The following PRKACA variants were observed in gnomAD, a reference collection of about 807,000 sequenced individuals.
PRKACA encodes the protein cAMP-dependent protein kinase catalytic subunit alpha.
Under a neutral mutation model 45.8 loss-of-function variants are expected in PRKACA, and 9 were observed. The ratio of observed to expected loss-of-function variants is 0.20; its 90% CI spans 0.12 to 0.34. The LOEUF (loss-of-function observed/expected upper bound fraction) is 0.34. Ranked by LOEUF, PRKACA falls within the 10% of genes least tolerant of loss-of-function variation. The pLI is 1.00. For synonymous variants in PRKACA, 160 were observed against 178.6 expected, an observed-to-expected ratio of 0.90 and a Z score of 0.83; for missense variants, 238 against 458.6, an observed-to-expected ratio of 0.52 and a Z score of 4.39.
In PRKACA at chr19:14,107,001, G is replaced by A. The variant is rs1056507481; in HGVS notation, c.109-113C>T. The A allele has an allele frequency of 1.0e-5, 14 of 1,376,424 alleles. No individual in the cohort carries two copies. The African/African-American group carries it at 1.7e-4, about 17-fold the overall frequency. The allele number at this position is 1,376,424 out of a possible 1,614,324, so 85.3% of individuals were successfully genotyped here. On this transcript the variant is annotated intron_variant, in intron 2 of 9. Transcript: ENST00000308677. The stretch of plus-strand genomic sequence containing the variant: ...AGAGGGGGCCCCGGGGAGCACGTGG[G>A]GTCAGCGGGGTGAGGACAGGGGGCG...
chr19:14,093,831 C>T (rs1453406138), intron 8 of PRKACA, 39 bp from the exon 9 acceptor site: 2 of 1,576,672 alleles, frequency 1.3e-6, no homozygotes, highest in Non-Finnish European at 1.7e-6. Flanking sequence ...GGAAGCTGGT[C>T]TGGAACTTGG....
At position 14,110,073 on chromosome 19, in the gene PRKACA, G is replaced by T. The variant is rs529914372; in HGVS notation, c.47-2664C>A. Among the ~76,000 whole-genome samples the T allele has an allele frequency of 2.7e-5, 4 of 146,032 alleles. No homozygotes were observed. In the East Asian group the frequency reaches 8.1e-4, roughly 30 times the overall value. On this transcript the variant is annotated intron_variant, in intron 1 of 9. Transcript: ENST00000308677. ...GCCTGTAATCCCAGTGCTTTAGAAG[G>T]CCGAGGTTGGAGGATCGCTTGAGGC...
At chr19:14,112,579 GGGA>G (rs1157461836) in intron 1 of PRKACA, 1 of 152,356 alleles carries the variant, frequency 6.6e-6, no homozygotes, top group Non-Finnish European at 1.5e-5. Context: ...CAGGGGACCA[GGGA>G]GGAGGAGCTG....
chr19:14,104,722 A>G (rs1319138972), intron 3 of PRKACA, among the ~76,000 whole-genome samples: 1 of 151,750 alleles, frequency 6.6e-6, no homozygotes, highest in African/African-American at 2.4e-5. Context: ...AAAATTAAAA[A>G]ATTAGCTGGG....
intron 5 of PRKACA, among the ~76,000 whole-genome samples, chr19:14,098,814 GAAAAA>G (rs78905737): frequency 1.1e-5 from 1 of 90,672 alleles, no homozygotes; most frequent in Admixed American, 1.3e-4. Flanking sequence ...TATGTTATTG[GAAAAA>G]AAAAAAAAAA....
chr19:14,096,444 TG>T (rs1158157433), intron 8 of PRKACA: 1 of 151,854 alleles, frequency 6.6e-6, no homozygotes, highest in Non-Finnish European at 1.5e-5. Context: ...CCCAAGGTGC[TG>T]GCATTACAGG....
chr19:14,092,591 G>T lies in PRKACA; in HGVS notation c.*521C>A, dbSNP rs1230588346. 3.3e-5 allele frequency: 13 copies of T among 398,510 alleles called. No homozygotes were observed. Among genetic ancestry groups the T allele is most frequent in the South Asian group, 1.3e-4 (1 of 7,854 alleles). The allele number at this position is 398,510 out of a possible 1,614,324, so 24.7% of individuals were successfully genotyped here. On this transcript the variant is annotated 3_prime_UTR_variant, in exon 10 of 10. Coordinates refer to ENST00000308677, the MANE Select transcript of PRKACA (RefSeq NM_002730.4). ...TTGTTGTTTTTTTAAAAAAATTCTA[G>T]CAAGCAACCCACTGAACATGTCACT...
chr19:14,115,110 G>A (rs1020169174), intron 1 of PRKACA: 42 of 985,250 alleles, frequency 4.3e-5, no homozygotes, highest in Non-Finnish European at 4.9e-5. Context: ...TTCTCTGGGA[G>A]CCTCTGGGAG....
At chr19:14,108,611 C>T (rs1977683406) in intron 1 of PRKACA, among the ~76,000 whole-genome samples, 1 of 151,090 alleles carries the variant, frequency 6.6e-6, no homozygotes, top group African/African-American at 2.4e-5. Context: ...GGGGTTTCAC[C>T]GTGTTAGCCA....
At chr19:14,113,130 C>A (rs1163850219) in intron 1 of PRKACA, among the ~76,000 whole-genome samples, 2 of 151,994 alleles carry the variant, frequency 1.3e-5, no homozygotes, top group Admixed American at 6.6e-5. Context: ...TGTCCTTGGC[C>A]TCTCTCAAAC....
In PRKACA at chr19:14,092,649, G is replaced by A. The variant is rs1174936519; in HGVS notation, c.*463C>T. The A allele has an allele frequency of 2.0e-5, 7 of 353,916 alleles. No individual in the cohort carries two copies. The highest frequency in any genetic ancestry group is 1.2e-4 in the East Asian group (3 of 25,368). 21.9% of individuals were successfully genotyped at this position (353,916 alleles called of 1,614,324 possible). ...TCTCCTTCCCAGGCAGGATTACTCC[G>A]AAAGGAAGGTTGGCGCTTCGTTCAT... On this transcript the variant is annotated 3_prime_UTR_variant, in exon 10 of 10. Transcript: ENST00000308677.
At position 14,092,778 on chromosome 19, in the gene PRKACA, C is replaced by T; in HGVS notation, c.*334G>A. ...TTCCATACCCTGTCCCTGGATACAC[C>T]AGCAAGACCTGGTCTGACTGGAGTT... On this transcript the variant is annotated 3_prime_UTR_variant, in exon 10 of 10. Coordinates refer to ENST00000308677, the MANE Select transcript of PRKACA (RefSeq NM_002730.4). 1 of 439,890 alleles carries T rather than the reference C, an allele frequency of 2.3e-6. No individual in the cohort carries two copies. Among genetic ancestry groups the T allele is most frequent in the Non-Finnish European group, 4.0e-6 (1 of 248,616 alleles). The allele number at this position is 439,890 out of a possible 1,614,324, so 27.2% of individuals were successfully genotyped here. A position where few individuals can be genotyped will look rare whatever the true frequency, so the allele number is the denominator to read the frequency against.
Position 14,097,710 on chromosome 19 carries a change from A to C in PRKACA, c.547-36T>G, listed in dbSNP as rs749086780. ...AAGAACAGGCAGTTGGCAGGGAGGA[A>C]GGGTCCAGGCCACGGCTTCCCCAGG... On this transcript the variant is annotated intron_variant, in intron 6 of 9. Coordinates refer to ENST00000308677, the MANE Select transcript of PRKACA (RefSeq NM_002730.4). This position sits in a 1 kb window ranked among gnomAD's most constrained non-coding sequence, Gnocchi z 5.4. 1 of 1,612,352 alleles carries C rather than the reference A, an allele frequency of 6.2e-7. No individual in the cohort carries two copies. Among genetic ancestry groups the C allele is most frequent in the Non-Finnish European group, 8.5e-7 (1 of 1,178,692 alleles).
Position 14,115,353 on chromosome 19 carries a change from T to C in PRKACA, c.46+2149A>G, listed in dbSNP as rs572734159. On this transcript the variant is annotated intron_variant, in intron 1 of 9. Coordinates refer to ENST00000308677, the MANE Select transcript of PRKACA (RefSeq NM_002730.4). ...TTTATTATTTTAAATTAAGAAAATA[T>C]GATAGAGTAAAAATCTGGGAGGCTG... Among the ~76,000 whole-genome samples, 10 of 152,330 alleles carry C rather than the reference T, an allele frequency of 6.6e-5. 1 individual carries two copies. The highest frequency in any genetic ancestry group is 2.4e-4 in the African/African-American group (10 of 41,576).
rs568007558 is a variant in PRKACA at position 14,104,759 on chromosome 19, G to C, written c.238-1845C>G. Among the ~76,000 whole-genome samples the C allele has an allele frequency of 3.3e-5, 5 of 151,230 alleles. No individual in the cohort carries two copies. The South Asian group carries it at 1.0e-3, about 32-fold the overall frequency. On this transcript the variant is annotated intron_variant, in intron 3 of 9. Transcript: ENST00000308677. ...GTGGTAGCCGGCGCCTGTAATTCCA[G>C]CTACTCAGGAGGCTGGAGCACAAGA...
chr19:14,103,112 C>T (rs866608013), intron 3 of PRKACA, among the ~76,000 whole-genome samples, 198 bp from the exon 4 acceptor site: 3 of 152,100 alleles, frequency 2.0e-5, no homozygotes, highest in East Asian at 1.9e-4. Flanking sequence ...TGTCCTTGCA[C>T]GGCACTAAGT....
intron 1 of PRKACA, among the ~76,000 whole-genome samples, chr19:14,114,640 C>T (rs1599352210): frequency 6.6e-6 from 1 of 152,150 alleles, no homozygotes; most frequent in Non-Finnish European, 1.5e-5. Flanking sequence ...CTGAGCCCCA[C>T]TTGGCTGTCT....
At chr19:14,103,629 C>T (rs1157594211) in intron 3 of PRKACA, among the ~76,000 whole-genome samples, 1 of 152,230 alleles carries the variant, frequency 6.6e-6, no homozygotes, top group African/African-American at 2.4e-5. Flanking sequence ...CTGCTTTGCT[C>T]ACATAGCTGT....
intron 5 of PRKACA, 137 bp downstream of exon 5, chr19:14,100,689 C>G (rs2093394297): frequency 1.2e-6 from 1 of 802,952 alleles, no homozygotes; most frequent in African/African-American, 1.7e-5. Context: ...AGAGGGGAAA[C>G]AGAAACCCAC....
Sources: allele counts gnomAD v4.1 joint callset (sites outside exome capture counted in the v4.1 genomes callset), GRCh38; gene constraint gnomAD v4.1.1; non-coding constraint Gnocchi (gnomAD v3.1); transcripts MANE v1.5; gene names NCBI Gene and HGNC (gene_info 2026-07-23, HGNC 2026-07-21).